The following TTC9B variants were observed in gnomAD, a reference collection of about 807,000 sequenced individuals.
TTC9B encodes the protein tetratricopeptide repeat protein 9B.
Under a neutral mutation model 19.4 loss-of-function variants are expected in TTC9B, and 12 were observed. That is an observed-to-expected ratio of 0.62 (90% CI 0.40 to 1.00). TTC9B has a LOEUF of 1.00. Ranked by LOEUF, TTC9B falls within the 50% of genes least tolerant of loss-of-function variation. TTC9B has a pLI of 0.00. For synonymous variants in TTC9B, 156 were observed against 158.6 expected (o/e 0.98, Z 0.12); for missense variants, 316 against 345.2 (o/e 0.92, Z 0.67).
chr19:40,217,713 C>T, intron 1 of TTC9B: 1 of 531,126 alleles, frequency 1.9e-6, no homozygotes, highest in Non-Finnish European at 3.3e-6. Context: ...AAGAATGACT[C>T]AGGGGAAGCG....
chr19:40,216,722 A>G (rs768672233), intron 2 of TTC9B: 17 of 284,970 alleles, frequency 6.0e-5, no homozygotes, highest in East Asian at 2.4e-4. Context: ...ATGCACGCAC[A>G]CACACACACA....
At chr19:40,216,969 T>C (rs1599922697) in intron 2 of TTC9B, 1 of 596,014 alleles carries the variant, frequency 1.7e-6, no homozygotes, top group Non-Finnish European at 3.0e-6. Context: ...AGAGGAGCGA[T>C]AGGTGGACGG....
Position 40,218,309 on chromosome 19 carries a change from C to T in TTC9B, c.73G>A (p.Ala25Thr). 1 of 1,376,370 alleles carries T rather than the reference C, an allele frequency of 7.3e-7. No homozygotes were observed. Among genetic ancestry groups the T allele is most frequent in the Non-Finnish European group, 9.3e-7 (1 of 1,073,722 alleles). The allele number at this position is 1,376,370 out of a possible 1,614,324, so 85.3% of individuals were successfully genotyped here. Residue 25 changes from alanine to threonine, a missense_variant, in exon 1 of 3, where the codon GCC (alanine) becomes ACC (threonine). Transcript: ENST00000311308. The surrounding 1 kb of genome is among the most constrained non-coding windows in gnomAD (Gnocchi z 4.2). ...APEPPPRPPPALSPPGSGPGS... is the reference protein window; with the variant it reads ...APEPPPRPPPTLSPPGSGPGS... ...GGGCCCGAGCCCGGTGGGGAGAGGG[C>T]GGGAGGCGGGCGCGGCGGAGGCTCC... is the stretch of plus-strand genomic sequence containing the variant.
intron 2 of TTC9B, 119 bp downstream of exon 2, chr19:40,217,068 C>T: frequency 3.4e-6 from 4 of 1,180,804 alleles, no homozygotes; most frequent in Non-Finnish European, 4.7e-6. Flanking sequence ...TACCTAGAAG[C>T]AGCTCCGCGG....
chr19:40,216,944 G>A (rs1434321860), intron 2 of TTC9B: 1 of 586,932 alleles, frequency 1.7e-6, no homozygotes, highest in Non-Finnish European at 3.0e-6. Flanking sequence ...GATGAGAAAT[G>A]GCCGGGGAGA....
rs901655437 is a variant in TTC9B, at chr19:40,217,464, C to A, written c.428-95G>T. 12 of 1,469,524 alleles carry A rather than the reference C, an allele frequency of 8.2e-6. No individual in the cohort carries two copies. In the Admixed American group the frequency reaches 1.3e-4, roughly 15 times the overall value. The allele number at this position is 1,469,524 out of a possible 1,614,324, so 91.0% of individuals were successfully genotyped here. ...GCCGAGGCTCCAGGCGGCAGGGAAC[C>A]AGGCCTAAGGGATTGCTCCGGCAAC... On this transcript the variant is annotated intron_variant, in intron 1 of 2. Transcript: ENST00000311308.
In TTC9B at chr19:40,217,376, G is replaced by A; in HGVS notation, c.428-7C>T. On this transcript the variant is annotated splice_region_variant and splice_polypyrimidine_tract_variant and intron_variant, in intron 1 of 2. Coordinates refer to ENST00000311308, the MANE Select transcript of TTC9B (RefSeq NM_152479.6). ...TCCGACTGCAGCAGGCAAGCTGCGA[G>A]GGCCCCGCGGCCGGCACTCTCAGAG... is the stretch of plus-strand genomic sequence containing the variant. 6.2e-7 allele frequency: 1 copy of A among 1,608,602 alleles called. No homozygotes were observed. Among genetic ancestry groups the A allele is most frequent in the Non-Finnish European group, 8.5e-7 (1 of 1,176,218 alleles).
chr19:40,216,270 TGTCTGCAGGGGAG>T lies in TTC9B; in HGVS notation c.611-11_612del. ...AGCTGGATGTAGCGGAGCACATTGG[TGTCTGCAGGGGAG>T]GTGGGCAGGGCATCATCTGGGTGTC... is the stretch of plus-strand genomic sequence containing the variant. On this transcript the variant is annotated splice_acceptor_variant and splice_polypyrimidine_tract_variant and coding_sequence_variant and intron_variant, in exon 3 of 3. Transcript: ENST00000311308. LOFTEE classifies it high-confidence loss of function. 6.2e-7 allele frequency: 1 copy of T among 1,613,646 alleles called. No homozygotes were observed. The highest frequency in any genetic ancestry group is 8.5e-7 in the Non-Finnish European group (1 of 1,179,794).
rs1162157516 is a variant in TTC9B at position 40,217,940 on chromosome 19, C to T, written c.427+15G>A. 2 of 1,476,478 alleles carry T rather than the reference C, an allele frequency of 1.4e-6. No individual in the cohort carries two copies. Among genetic ancestry groups the T allele is most frequent in the South Asian group, 1.3e-5 (1 of 78,188 alleles). 91.5% of individuals were successfully genotyped at this position (1,476,478 alleles called of 1,614,324 possible). A position where few individuals can be genotyped will look rare whatever the true frequency, so the allele number is the denominator to read the frequency against. Reference sequence around the variant, plus strand: ...CTCCCCTCGTGCCCCATCCCCCCACCCCCCGACGGCGTACCCGTGAGGGAG... The same window carrying T: ...CTCCCCTCGTGCCCCATCCCCCCACTCCCCGACGGCGTACCCGTGAGGGAG... On this transcript the variant is annotated intron_variant, in intron 1 of 2. Coordinates refer to ENST00000311308, the MANE Select transcript of TTC9B (RefSeq NM_152479.6).
chr19:40,216,094 A>C lies in TTC9B; in HGVS notation c.*69T>G. ...AGTGACAAGTGTTTTACCAACAAAC[A>C]CATGAGTCGGGGGAAGTTACATGGT... On this transcript the variant is annotated 3_prime_UTR_variant, in exon 3 of 3. Coordinates refer to ENST00000311308, the MANE Select transcript of TTC9B (RefSeq NM_152479.6). The C allele has an allele frequency of 7.9e-7, 1 of 1,271,278 alleles. No individual in the cohort carries two copies. The highest frequency in any genetic ancestry group is 1.2e-6 in the Non-Finnish European group (1 of 869,466). The allele number at this position is 1,271,278 out of a possible 1,614,324, so 78.7% of individuals were successfully genotyped here.
intron 1 of TTC9B, 47 bp from the exon 2 acceptor site, chr19:40,217,416 C>G (rs1973384188): frequency 6.3e-7 from 1 of 1,583,684 alleles, no homozygotes; most frequent in Admixed American, 1.7e-5. Flanking sequence ...CTGGCACCCC[C>G]AGAACCCACC....
At chr19:40,216,597 G>A (rs1973370962) in intron 2 of TTC9B, 1 of 384,960 alleles carries the variant, frequency 2.6e-6, no homozygotes, top group South Asian at 2.9e-5. Context: ...AACTAATCTC[G>A]TCTCGGCTCC....
At position 40,217,713 on chromosome 19, in the gene TTC9B, CAG is replaced by C. The variant is rs1973388975; in HGVS notation, c.427+240_427+241del. On this transcript the variant is annotated intron_variant, in intron 1 of 2. Transcript: ENST00000311308. ...CGGCCAGGGGGTGGAAAGAATGACT[CAG>C]GGGAAGCGAGGCCCTGAATACCCGA... 5.6e-6 allele frequency: 3 copies of C among 531,126 alleles called. No homozygotes were observed. In the Admixed American group the frequency reaches 1.1e-4, roughly 19 times the overall value. 32.9% of individuals were successfully genotyped at this position (531,126 alleles called of 1,614,324 possible).
In TTC9B at chr19:40,217,167, T is replaced by C; in HGVS notation, c.610+20A>G. 1 of 1,601,694 alleles carries C rather than the reference T, an allele frequency of 6.2e-7. No homozygotes were observed. The highest frequency in any genetic ancestry group is 8.5e-7 in the Non-Finnish European group (1 of 1,175,762). On this transcript the variant is annotated intron_variant, in intron 2 of 2. Coordinates refer to ENST00000311308, the MANE Select transcript of TTC9B (RefSeq NM_152479.6). ...CCGCCCTGGGCCCAGCCCTCACCTC[T>C]GCCCCGCCCCGCCACTCACCTGTGG...
At position 40,218,085 on chromosome 19, in the gene TTC9B, C is replaced by T; in HGVS notation, c.297G>A (p.Gln99=). The change falls in exon 1 of 3, where the codon CAG becomes CAA. Residue 99 remains glutamine, a synonymous_variant. Coordinates refer to ENST00000311308, the MANE Select transcript of TTC9B (RefSeq NM_152479.6). This position sits in a 1 kb window ranked among gnomAD's most constrained non-coding sequence, Gnocchi z 4.2. ...HRALLQLKAA[Q]GARPSGLPAP... is the part of the protein sequence containing the mutation. Reference sequence around the variant, plus strand: ...CGGGCAGGCCGCTAGGGCGGGCCCCCTGCGCCGCCTTCAGCTGCAGCAGCG... The same window carrying T: ...CGGGCAGGCCGCTAGGGCGGGCCCCTTGCGCCGCCTTCAGCTGCAGCAGCG... 6.4e-7 allele frequency: 1 copy of T among 1,551,576 alleles called. No individual in the cohort carries two copies.
At position 40,216,110 on chromosome 19, in the gene TTC9B, G is replaced by T; in HGVS notation, c.*53C>A. ...CCAACAAACACATGAGTCGGGGGAA[G>T]TTACATGGTGAGGTGGGAGGGCGAG... On this transcript the variant is annotated 3_prime_UTR_variant, in exon 3 of 3. Transcript: ENST00000311308. 2 of 1,419,122 alleles carry T rather than the reference G, an allele frequency of 1.4e-6. No individual in the cohort carries two copies. The highest frequency in any genetic ancestry group is 2.0e-6 in the Non-Finnish European group (2 of 1,002,772). The allele number at this position is 1,419,122 out of a possible 1,614,324, so 87.9% of individuals were successfully genotyped here.
At position 40,216,229 on chromosome 19, in the gene TTC9B, C is replaced by A; in HGVS notation, c.654G>T (p.Met218Ile). ...CTTCCCGCTGGAGGCTGCAACGATTCATCTTCAGCTGAGTCAGCTGGATGT... is the reference window on the plus strand; with the variant it reads ...CTTCCCGCTGGAGGCTGCAACGATTAATCTTCAGCTGAGTCAGCTGGATGT... The part of the protein sequence containing the change: ...LRYIQLTQLK[M>I]NRCSLQREDS... The change falls in exon 3 of 3, where the codon ATG becomes ATT. Residue 218 changes from methionine (M) to isoleucine (I), a missense_variant. Transcript: ENST00000311308. 1.2e-6 allele frequency: 2 copies of A among 1,614,208 alleles called. No homozygotes were observed. The highest frequency in any genetic ancestry group is 1.7e-6 in the Non-Finnish European group (2 of 1,180,028).
rs781352523 is a variant in TTC9B at position 40,218,059 on chromosome 19, G to C, written c.323C>G (p.Ala108Gly). Residue 108 changes from alanine to glycine, a missense_variant, in exon 1 of 3, where the codon GCC (alanine) becomes GGC (glycine). By Grantham distance (60) the Ala-to-Gly change is moderately conservative. Coordinates refer to ENST00000311308, the MANE Select transcript of TTC9B (RefSeq NM_152479.6). The surrounding 1 kb of genome is among the most constrained non-coding windows in gnomAD (Gnocchi z 4.2). ...GCTGCTGGTGGGCCCGGGGGCGGGGGCGGGCAGGCCGCTAGGGCGGGCCCC... is the reference window on the plus strand; with the variant it reads ...GCTGCTGGTGGGCCCGGGGGCGGGGCCGGGCAGGCCGCTAGGGCGGGCCCC... ...AQGARPSGLP[A>G]PAPGPTSSPG... is the part of the protein sequence containing the mutation. 3.9e-6 allele frequency: 6 copies of C among 1,520,640 alleles called. No individual in the cohort carries two copies. Among genetic ancestry groups the C allele is most frequent in the Middle Eastern group, 2.3e-4 (1 of 4,292 alleles). 94.2% of individuals were successfully genotyped at this position (1,520,640 alleles called of 1,614,324 possible).
intron 1 of TTC9B, chr19:40,217,718 G>T: frequency 9.4e-6 from 5 of 531,114 alleles, no homozygotes; most frequent in Non-Finnish European, 9.8e-6. Flanking sequence ...TGACTCAGGG[G>T]AAGCGAGGCC....
Sources: gnomAD v4.1 joint callset for allele counts on GRCh38, gnomAD v4.1.1 for gene constraint, Gnocchi (gnomAD v3.1) non-coding constraint, MANE v1.5 for transcripts, NCBI Gene and HGNC (gene_info 2026-07-23, HGNC 2026-07-21) for gene names.